The following DYTN variants were observed in gnomAD, a reference collection of about 807,000 sequenced individuals.
DYTN encodes the protein dystrotelin.
A neutral mutation model predicts 69.6 loss-of-function variants in DYTN; 75 were observed. The observed-to-expected ratio is 1.08, with a 90% CI of 0.89 to 1.31. The LOEUF (loss-of-function observed/expected upper bound fraction) is 1.31. DYTN is among the 50% of genes most tolerant of loss of function. The pLI is 0.00. For missense variants in DYTN, 726 were observed against 688.4 expected (o/e 1.05, Z -0.61); for synonymous variants, 252 against 249.1 (o/e 1.01, Z -0.11).
intron 11 of DYTN, among the ~76,000 whole-genome samples, chr2:206,659,571 T>TAG (rs1699486712): frequency 6.6e-6 from 1 of 150,554 alleles, no homozygotes; most frequent in South Asian, 2.1e-4. Flanking sequence ...ATGATAGAGA[T>TAG]AGAGGCAAAC....
chr2:206,715,250 T>C (rs1700115703), intron 1 of DYTN, among the ~76,000 whole-genome samples: 1 of 152,134 alleles, frequency 6.6e-6, no homozygotes, highest in African/African-American at 2.4e-5. Context: ...CCCTGGGTCC[T>C]AGGTTTGGAT....
At position 206,680,234 on chromosome 2, in the gene DYTN, A is replaced by G. The variant is rs371144550; in HGVS notation, c.980+12941T>C. 1.3e-3 allele frequency among the ~76,000 whole-genome samples: 195 copies of G among 152,240 alleles called. 3 individuals carry two copies. Among genetic ancestry groups the G allele is most frequent in the African/African-American group, 4.5e-3 (186 of 41,542 alleles). ...CAGGCAAGAGAGTGTGTGCAGGGAA[A>G]CTGCCCTTTATAAAACCATCAGATC... On this transcript the variant is annotated intron_variant, in intron 9 of 11. Coordinates refer to ENST00000452335, the MANE Select transcript of DYTN (RefSeq NM_001093730.1).
intron 5 of DYTN, among the ~76,000 whole-genome samples, chr2:206,702,509 C>T (rs1699985731): frequency 6.6e-6 from 1 of 152,190 alleles, no homozygotes; most frequent in Non-Finnish European, 1.5e-5. Flanking sequence ...GATAATAATC[C>T]TGTTGCCAGT....
intron 9 of DYTN, among the ~76,000 whole-genome samples, chr2:206,684,129 A>G (rs923972909): frequency 2.0e-5 from 3 of 151,784 alleles, no homozygotes; most frequent in African/African-American, 4.8e-5. Context: ...CAATAAACTT[A>G]TTGAATAAAT....
At chr2:206,669,717 TA>T (rs1438577324) in intron 9 of DYTN, among the ~76,000 whole-genome samples, 1 of 152,236 alleles carries the variant, frequency 6.6e-6, no homozygotes, top group Non-Finnish European at 1.5e-5. Flanking sequence ...TTTACTGCTT[TA>T]AAAATGTTTT....
At chr2:206,668,332 A>G (rs2105889892) in intron 9 of DYTN, among the ~76,000 whole-genome samples, 1 of 152,302 alleles carries the variant, frequency 6.6e-6, no homozygotes, top group East Asian at 1.9e-4. Context: ...CAGGTGAAAG[A>G]AGGTAGGACT....
At chr2:206,675,053 A>G (rs13407360) in intron 9 of DYTN, among the ~76,000 whole-genome samples, 20,662 of 150,316 alleles carry the variant, frequency 0.14, 2,374 homozygotes, top group African/African-American at 0.31. Context: ...GTCTTTCAGG[A>G]ATAAAGACCT....
chr2:206,651,722 C>T lies in DYTN; in HGVS notation c.*96G>A. 4 of 1,146,966 alleles carry T rather than the reference C, an allele frequency of 3.5e-6. No homozygotes were observed. Among genetic ancestry groups the T allele is most frequent in the Non-Finnish European group, 3.8e-6 (3 of 789,950 alleles). The allele number at this position is 1,146,966 out of a possible 1,614,324, so 71.0% of individuals were successfully genotyped here. A position where few individuals can be genotyped will look rare whatever the true frequency, so the allele number is the denominator to read the frequency against. On this transcript the variant is annotated 3_prime_UTR_variant, in exon 12 of 12. Transcript: ENST00000452335. ...TGTTTTCTTCATAGTTCACACTAAA[C>T]TATTAAAAGAAAGGTAGAAGTCTTA... is the stretch of plus-strand genomic sequence containing the variant.
intron 11 of DYTN, among the ~76,000 whole-genome samples, chr2:206,655,104 A>G (rs1699432659): frequency 6.6e-6 from 1 of 152,172 alleles, no homozygotes; most frequent in Non-Finnish European, 1.5e-5. Context: ...AAGGAATATG[A>G]TGTTAGCTGT....
At chr2:206,661,262 T>C (rs1699508326) in intron 11 of DYTN, among the ~76,000 whole-genome samples, 1 of 152,216 alleles carries the variant, frequency 6.6e-6, no homozygotes, top group Non-Finnish European at 1.5e-5. Flanking sequence ...GAATCTGTGT[T>C]ACTGTGTTAT....
At chr2:206,660,524 G>C (rs1260489652) in intron 11 of DYTN, among the ~76,000 whole-genome samples, 1 of 152,128 alleles carries the variant, frequency 6.6e-6, no homozygotes, top group Non-Finnish European at 1.5e-5. Context: ...ACATGAATAC[G>C]CTAAAGACTA....
In DYTN at chr2:206,663,161, T is replaced by C. The variant is rs1309393883; in HGVS notation, c.1375A>G (p.Thr459Ala). ...CTTTGTGCCCTGGTGCTGTGCAAAGTGGTCTCTGGTGATTCTGGATTTCGC... is the reference window on the plus strand; with the variant it reads ...CTTTGTGCCCTGGTGCTGTGCAAAGCGGTCTCTGGTGATTCTGGATTTCGC... ...ALRNPESPET[T>A]LHSTRAQSQT... is the part of the protein sequence containing the mutation. The change falls in exon 11 of 12, where the codon ACT becomes GCT. Residue 459 changes from threonine to alanine, a missense_variant. Coordinates refer to ENST00000452335, the MANE Select transcript of DYTN (RefSeq NM_001093730.1). 3.7e-6 allele frequency: 6 copies of C among 1,613,966 alleles called. No homozygotes were observed. The highest frequency in any genetic ancestry group is 5.1e-6 in the Non-Finnish European group (6 of 1,179,882).
intron 7 of DYTN, among the ~76,000 whole-genome samples, chr2:206,696,263 A>C (rs1187334410): frequency 6.6e-6 from 1 of 152,218 alleles, no homozygotes; most frequent in African/African-American, 2.4e-5. Context: ...TAGAGGACAT[A>C]AAATCTATCA....
intron 11 of DYTN, among the ~76,000 whole-genome samples, chr2:206,653,562 A>T (rs1367781819): frequency 6.6e-6 from 1 of 152,214 alleles, no homozygotes; most frequent in East Asian, 1.9e-4. Context: ...GTAGACTACA[A>T]GAATGATAGA....
chr2:206,716,596 A>C (rs1700132730), intron 1 of DYTN, among the ~76,000 whole-genome samples: 1 of 152,098 alleles, frequency 6.6e-6, no homozygotes, highest in Admixed American at 6.6e-5. Context: ...TAGTTTTCAG[A>C]TAAGATGCCA....
rs1391309224 is a variant in DYTN at position 206,718,315 on chromosome 2, G to A, written c.-36C>T. 1.9e-6 allele frequency: 3 copies of A among 1,596,836 alleles called. No individual in the cohort carries two copies. Among genetic ancestry groups the A allele is most frequent in the Non-Finnish European group, 2.6e-6 (3 of 1,171,228 alleles). On this transcript the variant is annotated 5_prime_UTR_variant, in exon 1 of 12. Transcript: ENST00000452335. ...TCCTGGAATGACAGATGGCAAGTGG[G>A]TCCCTGTAACTAGAAATGAACCAGT...
chr2:206,658,005 C>G (rs1574585111), intron 11 of DYTN, among the ~76,000 whole-genome samples: 1 of 152,116 alleles, frequency 6.6e-6, no homozygotes, highest in East Asian at 1.9e-4. Context: ...TATTGGTCAG[C>G]TTAATAGCAT....
chr2:206,673,134 C>T (rs1206718330), intron 9 of DYTN, among the ~76,000 whole-genome samples: 1 of 152,186 alleles, frequency 6.6e-6, no homozygotes, highest in Admixed American at 6.5e-5. Flanking sequence ...TCTATGCAAC[C>T]ATGTGTTCTC....
At chr2:206,712,775 G>A (rs549532164) in intron 1 of DYTN, among the ~76,000 whole-genome samples, 24 of 152,314 alleles carry the variant, frequency 1.6e-4, no homozygotes, top group African/African-American at 5.5e-4. Flanking sequence ...ACTTCCATGG[G>A]GGCATGTGGC....
Sources: allele counts gnomAD v4.1 joint callset (sites outside exome capture counted in the v4.1 genomes callset), GRCh38; gene constraint gnomAD v4.1.1; transcripts MANE v1.5; gene names NCBI Gene and HGNC (gene_info 2026-07-23, HGNC 2026-07-21).